The following SLC5A8 variants were observed in gnomAD, a reference collection of about 807,000 sequenced individuals.
The protein encoded by SLC5A8 is solute carrier family 5 member 8.
In SLC5A8, 55 loss-of-function variants were observed where a neutral mutation model predicts 71.9. The observed-to-expected ratio is 0.77, with a 90% CI of 0.62 to 0.96. The LOEUF is 0.96. SLC5A8 is among the 40% of genes least tolerant of loss of function. The pLI is 0.00. For synonymous variants in SLC5A8, 307 were observed against 276.1 expected (o/e 1.11, Z -1.11); for missense variants, 701 against 745.3 (o/e 0.94, Z 0.69).
chr12:101,209,639 A>C lies in SLC5A8; in HGVS notation c.210T>G (p.Thr70=). 6.2e-7 allele frequency: 1 copy of C among 1,614,062 alleles called. No individual in the cohort carries two copies. Among genetic ancestry groups the C allele is most frequent in the Non-Finnish European group, 8.5e-7 (1 of 1,180,042 alleles). Residue 70 remains threonine, a synonymous_variant, in exon 1 of 15, where the codon ACT becomes ACG. Coordinates refer to ENST00000536262, the MANE Select transcript of SLC5A8 (RefSeq NM_145913.5). Reference sequence around the variant, plus strand: ...AGACCTCGGAGGGGGTGCCCAGGACAGTGACGGCTGACATGAAGCTAGCGG... The same window carrying C: ...AGACCTCGGAGGGGGTGCCCAGGACCGTGACGGCTGACATGAAGCTAGCGG... The part of the protein sequence containing the change: ...SLTASFMSAV[T]VLGTPSEVYR...
Position 101,156,061 on chromosome 12 carries a change from A to G in SLC5A8, c.*1218T>C, listed in dbSNP as rs1426907716. Reference sequence around the variant, plus strand: ...TAACCAAACTCTTAGCTAGGAACATAGCAAAATAAACAGCTAAGCAACTTT... The same window carrying G: ...TAACCAAACTCTTAGCTAGGAACATGGCAAAATAAACAGCTAAGCAACTTT... On this transcript the variant is annotated 3_prime_UTR_variant, in exon 15 of 15. Transcript: ENST00000536262. 6.6e-6 allele frequency: 1 copy of G among 152,160 alleles called. No homozygotes were observed. Among genetic ancestry groups the G allele is most frequent in the Non-Finnish European group, 1.5e-5 (1 of 68,032 alleles). The allele number at this position is 152,160 out of a possible 1,614,324, so 9.4% of individuals were successfully genotyped here. A position where few individuals can be genotyped will look rare whatever the true frequency, so the allele number is the denominator to read the frequency against.
intron 10 of SLC5A8, among the ~76,000 whole-genome samples, chr12:101,172,879 A>C (rs2051843392): frequency 6.6e-6 from 1 of 152,150 alleles, no homozygotes; most frequent in South Asian, 2.1e-4. Context: ...TCTGTAAACC[A>C]TCCGGGTGCA....
chr12:101,184,716 C>T (rs756882427), intron 7 of SLC5A8, among the ~76,000 whole-genome samples: 50 of 152,184 alleles, frequency 3.3e-4, no homozygotes, highest in Non-Finnish European at 5.4e-4. Flanking sequence ...TTGTGAACTT[C>T]AGTCACTGCC....
At chr12:101,190,352 C>A in intron 6 of SLC5A8, 116 bp downstream of exon 6, 1 of 1,130,794 alleles carries the variant, frequency 8.8e-7, no homozygotes, top group Non-Finnish European at 1.3e-6. Flanking sequence ...TATCATTTAT[C>A]TCTTGGAATT....
intron 13 of SLC5A8, among the ~76,000 whole-genome samples, chr12:101,159,463 C>A (rs75204029): frequency 0.011 from 1,623 of 152,234 alleles, 16 homozygotes; most frequent in South Asian, 0.023. Context: ...AGTGCTGAAA[C>A]GCCAACCAAG....
At position 101,157,140 on chromosome 12, in the gene SLC5A8, A is replaced by G. The variant is rs906406813; in HGVS notation, c.*139T>C. ...GATGTAGTAAATGAAGATAGTCCAG[A>G]CTTTGTTTTAACAAAAACTTATCCC... On this transcript the variant is annotated 3_prime_UTR_variant, in exon 15 of 15. Transcript: ENST00000536262. 10 of 933,250 alleles carry G rather than the reference A, an allele frequency of 1.1e-5. No homozygotes were observed. In the African/African-American group the frequency reaches 1.5e-4, roughly 14 times the overall value. The allele number at this position is 933,250 out of a possible 1,614,324, so 57.8% of individuals were successfully genotyped here.
intron 12 of SLC5A8, among the ~76,000 whole-genome samples, chr12:101,164,146 A>G (rs1028263594): frequency 6.6e-6 from 1 of 152,244 alleles, no homozygotes; most frequent in African/African-American, 2.4e-5. Flanking sequence ...ATTTTGACTG[A>G]CAAAAAAAGT....
Position 101,209,725 on chromosome 12 carries a change from A to C in SLC5A8, c.124T>G (p.Ser42Ala). Residue 42 changes from serine to alanine, a missense_variant, in exon 1 of 15, where the codon TCC becomes GCC. Ser to Ala is a moderately conservative substitution (Grantham distance 99, BLOSUM62 1). Coordinates refer to ENST00000536262, the MANE Select transcript of SLC5A8 (RefSeq NM_145913.5). ...YAFAGGGQQT[S>A]KDFLMGGRRM... ...CGGCCGCCCATCAGGAAGTCCTTGG[A>C]GGTCTGCTGGCCGCCCCCAGCGAAG... is the stretch of plus-strand genomic sequence containing the variant. 6.2e-7 allele frequency: 1 copy of C among 1,612,932 alleles called. No individual in the cohort carries two copies. The highest frequency in any genetic ancestry group is 1.1e-5 in the South Asian group (1 of 91,082).
intron 7 of SLC5A8, among the ~76,000 whole-genome samples, chr12:101,185,077 T>C (rs536317927): frequency 6.6e-6 from 1 of 152,304 alleles, no homozygotes; most frequent in South Asian, 2.1e-4. Flanking sequence ...TTCCATAGCC[T>C]CTTCAATTTC....
intron 3 of SLC5A8, among the ~76,000 whole-genome samples, chr12:101,199,823 C>T (rs1224667840): frequency 6.6e-6 from 1 of 151,048 alleles, no homozygotes; most frequent in Non-Finnish European, 1.5e-5. Flanking sequence ...ATACTACATC[C>T]ATGTATTTCA....
chr12:101,195,721 G>A lies in SLC5A8; in HGVS notation c.470-559C>T, dbSNP rs1460914249. 2.9e-5 allele frequency among the ~76,000 whole-genome samples: 3 copies of A among 104,896 alleles called. No individual in the cohort carries two copies. The East Asian group carries it at 8.7e-4, about 30-fold the overall frequency. 68.8% of individuals were successfully genotyped at this position (104,896 alleles called of 152,430 possible). ...TTTTTTTTTTTTTTTTTTTTTTGGCGAAGTCTTGCTTTGTTACCAGGCTGG... is the reference window on the plus strand; with the variant it reads ...TTTTTTTTTTTTTTTTTTTTTTGGCAAAGTCTTGCTTTGTTACCAGGCTGG... On this transcript the variant is annotated intron_variant, in intron 3 of 14. Coordinates refer to ENST00000536262, the MANE Select transcript of SLC5A8 (RefSeq NM_145913.5).
Position 101,157,246 on chromosome 12 carries a change from C to T in SLC5A8, c.*33G>A. ...TCTTAGAAAACATATAAAATTGAAA[C>T]ATCATTTAAGGATATCTAGTATCAG... is the stretch of plus-strand genomic sequence containing the variant. On this transcript the variant is annotated 3_prime_UTR_variant, in exon 15 of 15. Transcript: ENST00000536262. 6.3e-7 allele frequency: 1 copy of T among 1,592,452 alleles called. No individual in the cohort carries two copies. Among genetic ancestry groups the T allele is most frequent in the Non-Finnish European group, 8.6e-7 (1 of 1,167,208 alleles).
At chr12:101,200,554 CTG>C (rs1491562801) in intron 3 of SLC5A8, among the ~76,000 whole-genome samples, 37 of 151,436 alleles carry the variant, frequency 2.4e-4, no homozygotes, top group South Asian at 1.3e-3. Context: ...CTTATAAACA[CTG>C]AAAAAAAATC....
intron 1 of SLC5A8, among the ~76,000 whole-genome samples, chr12:101,206,848 A>G (rs954105958): frequency 5.3e-5 from 8 of 152,244 alleles, no homozygotes; most frequent in African/African-American, 9.6e-5. Flanking sequence ...GGATTCCTGC[A>G]TTATACTTGG....
intron 13 of SLC5A8, among the ~76,000 whole-genome samples, chr12:101,159,847 A>T (rs1462307972): frequency 6.6e-6 from 1 of 152,216 alleles, no homozygotes; most frequent in East Asian, 1.9e-4. Context: ...GGTGTATTCC[A>T]GATCTGAACA....
chr12:101,190,206 C>A (rs1209311195), intron 6 of SLC5A8, among the ~76,000 whole-genome samples: 1 of 152,112 alleles, frequency 6.6e-6, no homozygotes, highest in East Asian at 1.9e-4. Flanking sequence ...ATATATTTAT[C>A]CCCCATGGGT....
chr12:101,200,849 A>T (rs183014), intron 3 of SLC5A8, among the ~76,000 whole-genome samples: 37,895 of 151,946 alleles, frequency 0.25, 5,094 homozygotes, highest in East Asian at 0.53. Flanking sequence ...TCCAAAATTT[A>T]AAAAAGAAAA....
intron 12 of SLC5A8, among the ~76,000 whole-genome samples, chr12:101,164,775 G>A (rs1003755014): frequency 1.3e-5 from 2 of 152,120 alleles, no homozygotes; most frequent in South Asian, 4.1e-4. Context: ...GATATCCTGT[G>A]AATATTACTT....
At chr12:101,178,905 T>C (rs1267541105) in intron 10 of SLC5A8, among the ~76,000 whole-genome samples, 2 of 151,344 alleles carry the variant, frequency 1.3e-5, no homozygotes, top group African/African-American at 4.8e-5. Flanking sequence ...GTAAACCACA[T>C]CTGACCAAGA....
Sources: gnomAD v4.1 joint callset for allele counts (sites outside exome capture counted in the v4.1 genomes callset) on GRCh38, gnomAD v4.1.1 for gene constraint, MANE v1.5 for transcripts, NCBI Gene and HGNC (gene_info 2026-07-23, HGNC 2026-07-21) for gene names.